The following NRG1 variants were observed in gnomAD, a reference collection of about 807,000 sequenced individuals.
NRG1 encodes pro-neuregulin-1, membrane-bound isoform.
NRG1 carries 18 observed loss-of-function variants against 63.8 expected under a neutral mutation model. That is an observed-to-expected ratio of 0.28 (90% CI 0.19 to 0.42). The LOEUF is 0.42. NRG1 is among the 10% of genes least tolerant of loss of function. The pLI is 1.00. For missense variants in NRG1, 762 were observed against 814.7 expected, an observed-to-expected ratio of 0.94 and a Z score of 0.79; for synonymous variants, 302 against 301.3, an observed-to-expected ratio of 1.00 and a Z score of -0.02.
exon 12 of NRG1, chr8:32,764,512 C>A: frequency 2.9e-6 from 3 of 1,044,692 alleles, no homozygotes; most frequent in Non-Finnish European, 3.9e-6. Context: ...AAATAGAAAA[C>A]AGGAAAAAAA....
intron 1 of NRG1, among the ~76,000 whole-genome samples, chr8:31,899,753 A>G (rs191058249): frequency 6.6e-6 from 1 of 152,364 alleles, no homozygotes; most frequent in Non-Finnish European, 1.5e-5. Flanking sequence ...TAATTATTCC[A>G]TTATAAAAAC....
At chr8:32,566,081 C>T (rs1051613620) in intron 1 of NRG1, among the ~76,000 whole-genome samples, 6 of 152,012 alleles carry the variant, frequency 3.9e-5, no homozygotes, top group Admixed American at 6.6e-5. Flanking sequence ...TGGCCGGACA[C>T]GGTGGCTCAT....
At chr8:31,682,809 T>C (rs1280066603) in intron 1 of NRG1, among the ~76,000 whole-genome samples, 1 of 152,080 alleles carries the variant, frequency 6.6e-6, no homozygotes, top group Non-Finnish European at 1.5e-5. Flanking sequence ...GCTCAAAACA[T>C]ACAAGCTAAA....
intron 1 of NRG1, among the ~76,000 whole-genome samples, chr8:32,162,670 C>T (rs1255718139): frequency 6.6e-6 from 1 of 152,028 alleles, no homozygotes; most frequent in African/African-American, 2.4e-5. Context: ...ATGATGTAAA[C>T]TCAAGACTCT....
chr8:32,694,680 G>A (rs140333998), intron 5 of NRG1, among the ~76,000 whole-genome samples: 1 of 152,190 alleles, frequency 6.6e-6, no homozygotes, highest in Non-Finnish European at 1.5e-5. Flanking sequence ...ACGTGTGGGT[G>A]TGTGCACATG....
At chr8:32,582,240 G>A (rs1840800720) in intron 1 of NRG1, among the ~76,000 whole-genome samples, 1 of 151,866 alleles carries the variant, frequency 6.6e-6, no homozygotes, top group South Asian at 2.1e-4. Context: ...TGGGACCATA[G>A]GCACATGCCA....
intron 7 of NRG1, chr8:32,750,965 C>G (rs1221697692): frequency 1.3e-5 from 2 of 152,132 alleles, no homozygotes; most frequent in African/African-American, 4.8e-5. Flanking sequence ...GGAAAAAATT[C>G]TACCATTACC....
intron 1 of NRG1, among the ~76,000 whole-genome samples, chr8:31,712,917 ATCTG>A (rs1026330250): frequency 1.3e-5 from 2 of 151,878 alleles, no homozygotes; most frequent in South Asian, 2.1e-4. Flanking sequence ...CCCTTCTTCA[ATCTG>A]TCTGTCTATT....
chr8:32,060,719 T>C (rs1350498052), intron 1 of NRG1, among the ~76,000 whole-genome samples: 2 of 151,948 alleles, frequency 1.3e-5, no homozygotes, highest in Non-Finnish European at 2.9e-5. Flanking sequence ...TTTTCAGTCA[T>C]ATCTTTTATT....
intron 1 of NRG1, among the ~76,000 whole-genome samples, chr8:32,249,470 G>A (rs113491011): frequency 6.6e-6 from 1 of 152,056 alleles, no homozygotes; most frequent in Non-Finnish European, 1.5e-5. Context: ...AGTGATTTGA[G>A]CTCAAAACAG....
At chr8:31,791,743 T>A (rs896205486) in intron 1 of NRG1, among the ~76,000 whole-genome samples, 3 of 152,194 alleles carry the variant, frequency 2.0e-5, no homozygotes, top group African/African-American at 7.2e-5. Flanking sequence ...ATCTCATGGC[T>A]GCCCGGGCAG....
At chr8:32,482,374 G>A (rs1257275698) in intron 1 of NRG1, among the ~76,000 whole-genome samples, 1 of 140,080 alleles carries the variant, frequency 7.1e-6, no homozygotes, top group Admixed American at 7.3e-5. Flanking sequence ...CCAAATTTGG[G>A]GGTTGTTTTC....
chr8:32,615,611 G>A (rs1194168511), intron 4 of NRG1, among the ~76,000 whole-genome samples: 3 of 151,954 alleles, frequency 2.0e-5, no homozygotes, highest in Non-Finnish European at 4.4e-5. Flanking sequence ...CTGGTACCTT[G>A]TTGAAACTAT....
intron 1 of NRG1, among the ~76,000 whole-genome samples, chr8:31,641,500 C>T (rs985308890): frequency 1.3e-5 from 2 of 152,152 alleles, no homozygotes; most frequent in Non-Finnish European, 2.9e-5. Context: ...TTATTTGCTA[C>T]ACCTTTTCCC....
intron 1 of NRG1, among the ~76,000 whole-genome samples, chr8:32,076,684 A>G (rs1826614462): frequency 1.3e-5 from 2 of 150,740 alleles, no homozygotes; most frequent in African/African-American, 2.4e-5. Context: ...AAGTTTACCT[A>G]TATAACAAAC....
chr8:32,330,608 G>T (rs1802530812), intron 1 of NRG1, among the ~76,000 whole-genome samples: 1 of 152,224 alleles, frequency 6.6e-6, no homozygotes, highest in Non-Finnish European at 1.5e-5. Context: ...GCATTCATAA[G>T]TCACTTTGTC....
intron 1 of NRG1, among the ~76,000 whole-genome samples, chr8:32,208,270 C>G (rs1844285945): frequency 6.6e-6 from 1 of 150,932 alleles, no homozygotes; most frequent in Non-Finnish European, 1.5e-5. Context: ...GCTGGTGGGA[C>G]TATGAAGTGT....
At chr8:31,926,894 T>C (rs1301710028) in intron 1 of NRG1, among the ~76,000 whole-genome samples, 1 of 152,182 alleles carries the variant, frequency 6.6e-6, no homozygotes, top group African/African-American at 2.4e-5. Flanking sequence ...TCTGGGCACC[T>C]AGACTATTTT....
At chr8:32,516,044 G>C (rs1011389109) in intron 1 of NRG1, among the ~76,000 whole-genome samples, 6 of 152,014 alleles carry the variant, frequency 3.9e-5, no homozygotes, top group Non-Finnish European at 8.8e-5. Flanking sequence ...TAAAAGACTG[G>C]GATCATATGT....
Sources: allele counts gnomAD v4.1 joint callset (sites outside exome capture counted in the v4.1 genomes callset), GRCh38; gene constraint gnomAD v4.1.1; transcripts MANE v1.5; gene names NCBI Gene and HGNC (gene_info 2026-07-23, HGNC 2026-07-21).